MYO1D: variants seen among roughly 807,000 people sequenced by gnomAD.
The protein encoded by MYO1D is unconventional myosin-Id.
Under a neutral mutation model 122.0 loss-of-function variants are expected in MYO1D, and 83 were observed. The ratio of observed to expected loss-of-function variants is 0.68; its 90% CI spans 0.57 to 0.82. The LOEUF (loss-of-function observed/expected upper bound fraction) is 0.82. MYO1D is among the 40% of genes least tolerant of loss of function. MYO1D has a pLI of 0.00. For missense variants in MYO1D, 1,157 were observed against 1,269.5 expected, an observed-to-expected ratio of 0.91 and a Z score of 1.35; for synonymous variants, 464 against 446.9, an observed-to-expected ratio of 1.04 and a Z score of -0.48.
At chr17:32,671,877 C>A (rs1351813818) in intron 16 of MYO1D, among the ~76,000 whole-genome samples, 3 of 152,188 alleles carry the variant, frequency 2.0e-5, no homozygotes, top group Non-Finnish European at 4.4e-5. Context: ...TGGATCCCGT[C>A]TTTATTTAAA....
At chr17:32,528,426 A>G (rs1910411239) in intron 21 of MYO1D, among the ~76,000 whole-genome samples, 1 of 151,984 alleles carries the variant, frequency 6.6e-6, no homozygotes, top group Non-Finnish European at 1.5e-5. Context: ...TCTTGAGTAG[A>G]ACTTAGGGGT....
chr17:32,760,457 G>T (rs762039912), intron 9 of MYO1D, 25 bp downstream of exon 9: 3 of 1,608,444 alleles, frequency 1.9e-6, no homozygotes, highest in South Asian at 2.2e-5. Context: ...AGGCAACAAG[G>T]TTTTAAGTAT....
Position 32,587,301 on chromosome 17 carries a change from CA to C in MYO1D, c.2864+17785del, listed in dbSNP as rs558503048. Among the ~76,000 whole-genome samples the C allele has an allele frequency of 1.8e-3, 276 of 152,270 alleles. 2 individuals are homozygous for C. The highest frequency in any genetic ancestry group is 6.8e-3 in the Middle Eastern group (2 of 294). ...CTGAGGTGAGCGGAACACTTGAGGT[CA>C]GGGGTTTGAGACCAGCTTGGCCAAC... is the stretch of plus-strand genomic sequence containing the variant. On this transcript the variant is annotated intron_variant, in intron 21 of 21. Coordinates refer to ENST00000318217, the MANE Select transcript of MYO1D (RefSeq NM_015194.3).
chr17:32,542,228 G>A (rs1439922706), intron 21 of MYO1D, among the ~76,000 whole-genome samples: 5 of 152,148 alleles, frequency 3.3e-5, no homozygotes, highest in Non-Finnish European at 5.9e-5. Flanking sequence ...GGCCGACAGA[G>A]GATTATCATG....
chr17:32,757,676 TAAAGAA>T (rs2089962621), intron 10 of MYO1D, among the ~76,000 whole-genome samples: 1 of 152,198 alleles, frequency 6.6e-6, no homozygotes, highest in Non-Finnish European at 1.5e-5. Flanking sequence ...TCCCAGGGAC[TAAAGAA>T]TTACCTTCCC....
At chr17:32,678,250 ATTTC>A (rs1037804777) in intron 16 of MYO1D, among the ~76,000 whole-genome samples, 8 of 96,746 alleles carry the variant, frequency 8.3e-5, no homozygotes, top group African/African-American at 2.5e-4. Flanking sequence ...TCAAAAATAT[ATTTC>A]TTTTTTTTTT....
At chr17:32,735,538 T>C (rs1373615766) in intron 14 of MYO1D, among the ~76,000 whole-genome samples, 3 of 152,180 alleles carry the variant, frequency 2.0e-5, no homozygotes, top group Admixed American at 6.5e-5. Flanking sequence ...CAGGGTTCCT[T>C]TGATCTATTA....
intron 14 of MYO1D, among the ~76,000 whole-genome samples, chr17:32,722,795 T>C (rs938299043): frequency 1.3e-5 from 2 of 152,198 alleles, no homozygotes; most frequent in Admixed American, 1.3e-4. Flanking sequence ...GTTTCTGGCA[T>C]AGCGCTTCAA....
chr17:32,822,862 C>T (rs1393231722), intron 1 of MYO1D, among the ~76,000 whole-genome samples: 1 of 151,706 alleles, frequency 6.6e-6, no homozygotes, highest in Non-Finnish European at 1.5e-5. Flanking sequence ...ACTCAGCCGG[C>T]GTCTCGCATA....
At chr17:32,698,723 A>G (rs1196835795) in intron 16 of MYO1D, among the ~76,000 whole-genome samples, 1 of 152,100 alleles carries the variant, frequency 6.6e-6, no homozygotes, top group Admixed American at 6.6e-5. Flanking sequence ...AACAGTTATT[A>G]TATTATTCTC....
chr17:32,661,098 T>G (rs2088558650), intron 16 of MYO1D, among the ~76,000 whole-genome samples: 1 of 152,250 alleles, frequency 6.6e-6, no homozygotes, highest in Admixed American at 6.5e-5. Context: ...AAACATTTTA[T>G]AAGTAAGTAC....
At chr17:32,736,815 AG>A (rs1200324927) in intron 14 of MYO1D, among the ~76,000 whole-genome samples, 2 of 152,244 alleles carry the variant, frequency 1.3e-5, no homozygotes, top group African/African-American at 4.8e-5. Flanking sequence ...TCTTCCTTCC[AG>A]GTTCACTTTT....
chr17:32,691,834 A>C (rs1189115516), intron 16 of MYO1D, among the ~76,000 whole-genome samples: 1 of 152,230 alleles, frequency 6.6e-6, no homozygotes, highest in Non-Finnish European at 1.5e-5. Context: ...ACACATTGCC[A>C]AACTACCCCT....
At chr17:32,767,946 G>A (rs552243410) in intron 6 of MYO1D, among the ~76,000 whole-genome samples, 194 bp from the exon 7 acceptor site, 5 of 152,318 alleles carry the variant, frequency 3.3e-5, no homozygotes, top group South Asian at 2.1e-4. Flanking sequence ...CCACTTGTGC[G>A]TGAAAGCCAT....
Position 32,721,077 on chromosome 17 carries a change from C to T in MYO1D, c.1859G>A (p.Arg620Lys). The T allele has an allele frequency of 6.2e-7, 1 of 1,614,172 alleles. No homozygotes were observed. Among genetic ancestry groups the T allele is most frequent in the Non-Finnish European group, 8.5e-7 (1 of 1,180,030 alleles). Residue 620 changes from arginine to lysine, a missense_variant, in exon 15 of 22, where the codon AGA becomes AAA. Coordinates refer to ENST00000318217, the MANE Select transcript of MYO1D (RefSeq NM_015194.3). ...GAAGGCAAATCCTGCCCGACGCACTCTCACATTTTCCAGTAGTCCAAGATA... is the reference window on the plus strand; with the variant it reads ...GAAGGCAAATCCTGCCCGACGCACTTTCACATTTTCCAGTAGTCCAAGATA... ...VEYLGLLENV[R>K]VRRAGFAFRQ...
intron 11 of MYO1D, among the ~76,000 whole-genome samples, chr17:32,750,714 G>A (rs1469511665): frequency 6.6e-6 from 1 of 152,190 alleles, no homozygotes; most frequent in Non-Finnish European, 1.5e-5. Context: ...CCTGAAAGGT[G>A]TATTCTATTA....
At chr17:32,791,089 C>T (rs2090345802) in intron 1 of MYO1D, among the ~76,000 whole-genome samples, 1 of 152,098 alleles carries the variant, frequency 6.6e-6, no homozygotes, top group African/African-American at 2.4e-5. Context: ...ATGAGCTGGG[C>T]ATGGTGGCTC....
intron 17 of MYO1D, among the ~76,000 whole-genome samples, chr17:32,657,565 C>T (rs75009036): frequency 0.015 from 2,271 of 152,324 alleles, 48 homozygotes; most frequent in African/African-American, 0.049. Flanking sequence ...TGTGTGTGCG[C>T]GTGCGAGTGT....
chr17:32,577,279 C>T lies in MYO1D; in HGVS notation c.2864+27808G>A, dbSNP rs568368331. On this transcript the variant is annotated intron_variant, in intron 21 of 21. Transcript: ENST00000318217. ...AAAAAAAAAAAAAAGCATGAGGTAC[C>T]GTACCCGGCCTAATTTTTTATTTTG... is the stretch of plus-strand genomic sequence containing the variant. Among the ~76,000 whole-genome samples, 17 of 151,678 alleles carry T rather than the reference C, an allele frequency of 1.1e-4. No individual in the cohort carries two copies. In the East Asian group the frequency reaches 2.5e-3, roughly 22 times the overall value.
Sources: gnomAD v4.1 joint callset for allele counts (sites outside exome capture counted in the v4.1 genomes callset) on GRCh38, gnomAD v4.1.1 for gene constraint, MANE v1.5 for transcripts, NCBI Gene and HGNC (gene_info 2026-07-23, HGNC 2026-07-21) for gene names.